The following GALNT13 variants were observed in gnomAD, a reference collection of about 807,000 sequenced individuals.
GALNT13 encodes the protein polypeptide N-acetylgalactosaminyltransferase 13, also known as UDP-GalNAc:polypeptide N-acetylgalactosaminyltransferase 13.
GALNT13 carries 28 observed loss-of-function variants against 64.2 expected under a neutral mutation model. That is an observed-to-expected ratio of 0.44 (90% confidence interval 0.32 to 0.60). The LOEUF is 0.60. Ranked by LOEUF, GALNT13 falls within the 20% of genes least tolerant of loss-of-function variation. The pLI is 0.05. For missense variants in GALNT13, 577 were observed against 669.8 expected, an observed-to-expected ratio of 0.86 and a Z score of 1.53; for synonymous variants, 214 against 224.6, an observed-to-expected ratio of 0.95 and a Z score of 0.42.
intron 3 of GALNT13, among the ~76,000 whole-genome samples, chr2:154,136,100 C>A (rs1682934928): frequency 2.0e-5 from 3 of 152,016 alleles, no homozygotes; most frequent in Admixed American, 6.6e-5. Flanking sequence ...GACTAAAAGT[C>A]AGTGTTTCTA....
intron 8 of GALNT13, among the ~76,000 whole-genome samples, chr2:154,298,935 CTGT>C (rs1462588053): frequency 1.5e-5 from 2 of 130,512 alleles, no homozygotes; most frequent in Non-Finnish European, 3.3e-5. Context: ...TCTGCTTTCA[CTGT>C]TGTTTCCTAA....
At chr2:153,373,693 ATCT>A in the GALNT13 span, among the ~76,000 whole-genome samples, 1 of 152,174 alleles carries the variant, frequency 6.6e-6, no homozygotes, top group Non-Finnish European at 1.5e-5. Flanking sequence ...AATATTCTTC[ATCT>A]TCTCAAAATG....
the GALNT13 span, among the ~76,000 whole-genome samples, chr2:153,656,098 A>C: frequency 6.6e-6 from 1 of 152,238 alleles, no homozygotes; most frequent in East Asian, 1.9e-4. Context: ...TTAAACTCAA[A>C]ATGTCTTAGT....
intron 3 of GALNT13, among the ~76,000 whole-genome samples, chr2:153,981,385 G>T (rs1041429942): frequency 6.6e-5 from 10 of 151,934 alleles, no homozygotes; most frequent in African/African-American, 2.4e-4. Context: ...CCCCATAACA[G>T]GCCCTGGTGT....
chr2:153,072,727 G>A, the GALNT13 span, among the ~76,000 whole-genome samples: 309 of 152,202 alleles, frequency 2.0e-3, no homozygotes, highest in Middle Eastern at 0.01. Flanking sequence ...AATATACATT[G>A]CTAGGGCTGT....
At chr2:153,625,703 A>G in the GALNT13 span, among the ~76,000 whole-genome samples, 1 of 151,870 alleles carries the variant, frequency 6.6e-6, no homozygotes, top group East Asian at 1.9e-4. Flanking sequence ...GAGAATCTTT[A>G]TTATGATTTC....
At chr2:153,088,953 T>C in the GALNT13 span, among the ~76,000 whole-genome samples, 1 of 152,152 alleles carries the variant, frequency 6.6e-6, no homozygotes, top group South Asian at 2.1e-4. Context: ...AGTGGAGCAT[T>C]TAGGCCATTT....
intron 9 of GALNT13, among the ~76,000 whole-genome samples, chr2:154,309,655 A>T (rs953786393): frequency 6.6e-6 from 1 of 152,174 alleles, no homozygotes; most frequent in African/African-American, 2.4e-5. Context: ...TTCATGAGAG[A>T]TCCACTCCCA....
chr2:154,376,825 A>C (rs1698020904), intron 9 of GALNT13, among the ~76,000 whole-genome samples: 1 of 152,148 alleles, frequency 6.6e-6, no homozygotes, highest in African/African-American at 2.4e-5. Flanking sequence ...AAAAATCTTA[A>C]GACTTGCCCC....
chr2:153,396,440 T>C, the GALNT13 span, among the ~76,000 whole-genome samples: 1 of 152,094 alleles, frequency 6.6e-6, no homozygotes, highest in African/African-American at 2.4e-5. Context: ...TGGTCAAGGA[T>C]TGTGATAAAA....
intron 2 of GALNT13, among the ~76,000 whole-genome samples, chr2:153,942,691 T>TTTTA (rs1553457880): frequency 2.0e-5 from 3 of 150,344 alleles, no homozygotes; most frequent in African/African-American, 7.3e-5. Flanking sequence ...TATCTCTCCA[T>TTTTA]TATATATATA....
the GALNT13 span, among the ~76,000 whole-genome samples, chr2:153,676,757 A>G: frequency 1.3e-5 from 2 of 152,196 alleles, no homozygotes; most frequent in Non-Finnish European, 2.9e-5. Context: ...CATCACATAA[A>G]CAGAACTAAA....
intron 3 of GALNT13, among the ~76,000 whole-genome samples, chr2:153,985,156 A>T (rs765067435): frequency 9.2e-5 from 14 of 152,038 alleles, no homozygotes; most frequent in Non-Finnish European, 1.9e-4. Context: ...TTTTATTATC[A>T]GTTAGTATTT....
chr2:153,347,991 G>C, the GALNT13 span, among the ~76,000 whole-genome samples: 12 of 152,150 alleles, frequency 7.9e-5, no homozygotes, highest in African/African-American at 2.9e-4. Flanking sequence ...TTTTTCTGAA[G>C]CAGTGCTCAG....
intron 3 of GALNT13, among the ~76,000 whole-genome samples, chr2:154,139,417 C>A (rs1316875431): frequency 6.6e-6 from 1 of 151,732 alleles, no homozygotes; most frequent in African/African-American, 2.4e-5. Context: ...GGAAATTAAA[C>A]TCAGTAAGAT....
At chr2:154,118,442 C>G (rs140130125) in intron 3 of GALNT13, among the ~76,000 whole-genome samples, 1 of 151,710 alleles carries the variant, frequency 6.6e-6, no homozygotes, top group African/African-American at 2.4e-5. Context: ...TTTTTAGTAA[C>G]AGGTAGGTAT....
At chr2:153,967,732 TG>T (rs1693469043) in intron 3 of GALNT13, among the ~76,000 whole-genome samples, 1 of 152,016 alleles carries the variant, frequency 6.6e-6, no homozygotes, top group Non-Finnish European at 1.5e-5. Flanking sequence ...TGCTCACCCA[TG>T]GACCACATCT....
chr2:153,452,997 A>G, the GALNT13 span, among the ~76,000 whole-genome samples: 1 of 152,116 alleles, frequency 6.6e-6, no homozygotes, highest in East Asian at 1.9e-4. Context: ...GATCTAAGCC[A>G]TCGAAGTTAA....
intron 9 of GALNT13, among the ~76,000 whole-genome samples, chr2:154,348,133 G>T (rs1696173578): frequency 6.6e-6 from 1 of 152,152 alleles, no homozygotes; most frequent in Non-Finnish European, 1.5e-5. Context: ...TTAGGAAACA[G>T]AAGCCCAAGG....
Sources: allele counts gnomAD v4.1 joint callset (sites outside exome capture counted in the v4.1 genomes callset), GRCh38; gene constraint gnomAD v4.1.1; transcripts MANE v1.5; gene names NCBI Gene and HGNC (gene_info 2026-07-23, HGNC 2026-07-21).